BCAS3: variants seen among roughly 807,000 people sequenced by gnomAD.
BCAS3 encodes BCAS3 microtubule associated cell migration factor, also known as BCAS4/BCAS3 fusion.
In BCAS3, 53 loss-of-function variants were observed where a neutral mutation model predicts 116.1. That is an observed-to-expected ratio of 0.46 (90% confidence interval 0.37 to 0.57). BCAS3 has a LOEUF of 0.57. BCAS3 is among the 20% of genes least tolerant of loss of function. BCAS3 has a pLI of 0.00. For missense variants in BCAS3, 917 were observed against 1,165.4 expected (o/e 0.79, Z 3.10); for synonymous variants, 391 against 408.2 (o/e 0.96, Z 0.51).
At chr17:60,867,219 C>A (rs2054681104) in intron 7 of BCAS3, among the ~76,000 whole-genome samples, 1 of 151,808 alleles carries the variant, frequency 6.6e-6, no homozygotes, top group Admixed American at 6.6e-5. Flanking sequence ...AATTTTCCTG[C>A]TTCAGCCTCT....
Position 60,989,996 on chromosome 17 carries a change from A to G in BCAS3, c.1247A>G (p.Asp416Gly), listed in dbSNP as rs2063422958. 4 of 1,614,152 alleles carry G rather than the reference A, an allele frequency of 2.5e-6. No homozygotes were observed. The East Asian group carries it at 8.9e-5, about 36-fold the overall frequency. ...AKVQDICFSH[D>G]CRWVVVSTLR... ...GTACAGGACATCTGCTTCAGCCATG[A>G]CTGTCGCTGGGTTGTGGTCAGTACT... Residue 416 changes from aspartate to glycine, a missense_variant, in exon 15 of 24, where the codon GAC (aspartate) becomes GGC (glycine). Physicochemically the swap from Asp to Gly is moderately conservative, Grantham distance 94. This residue lies in a region of BCAS3 where 807 missense variants were observed against 1,026.0 expected (regional missense o/e 0.79). Transcript: ENST00000407086.
intron 22 of BCAS3, among the ~76,000 whole-genome samples, chr17:61,202,534 A>G (rs2080900560): frequency 1.3e-5 from 2 of 150,976 alleles, no homozygotes; most frequent in South Asian, 4.2e-4. Flanking sequence ...TTAATGGTCG[A>G]GTTTACTTTT....
chr17:60,793,514 T>C (rs2046954863), intron 6 of BCAS3, among the ~76,000 whole-genome samples: 2 of 152,308 alleles, frequency 1.3e-5, no homozygotes, highest in East Asian at 3.9e-4. Context: ...CTGAGCAGTA[T>C]ACACTACACC....
At chr17:60,825,384 C>T (rs944133603) in intron 7 of BCAS3, among the ~76,000 whole-genome samples, 5 of 151,186 alleles carry the variant, frequency 3.3e-5, no homozygotes, top group Admixed American at 6.6e-5. Flanking sequence ...TGTGCTTTCA[C>T]CACATCTCCG....
chr17:61,030,681 T>G (rs1335609948), intron 16 of BCAS3, among the ~76,000 whole-genome samples: 1 of 152,094 alleles, frequency 6.6e-6, no homozygotes, highest in East Asian at 1.9e-4. Flanking sequence ...GTTATTCGGT[T>G]TTTTTGTTTG....
Position 61,282,335 on chromosome 17 carries a change from G to A in BCAS3, c.2426-85992G>A, listed in dbSNP as rs2051310366. On this transcript the variant is annotated intron_variant, in intron 22 of 23. Transcript: ENST00000407086. The surrounding 1 kb of genome is among the most constrained non-coding windows in gnomAD (Gnocchi z 5.9). ...AGAAGGCTTTCCTGAGCCTTGGTTG[G>A]GAGCTGAATGAGAAGGGGCAATTGG... Among the ~76,000 whole-genome samples, 1 of 152,198 alleles carries A rather than the reference G, an allele frequency of 6.6e-6. No individual in the cohort carries two copies. Among genetic ancestry groups the A allele is most frequent in the African/African-American group, 2.4e-5 (1 of 41,442 alleles).
At chr17:60,880,589 T>TATGCCAC (rs1159630328) in intron 9 of BCAS3, among the ~76,000 whole-genome samples, 1 of 152,106 alleles carries the variant, frequency 6.6e-6, no homozygotes, top group Non-Finnish European at 1.5e-5. Flanking sequence ...CGCCTAGCCA[T>TATGCCAC]ATGCCACATT....
At chr17:60,772,677 C>T (rs1224014915) in intron 6 of BCAS3, among the ~76,000 whole-genome samples, 1 of 152,076 alleles carries the variant, frequency 6.6e-6, no homozygotes, top group Non-Finnish European at 1.5e-5. Context: ...GTCAGGAGTT[C>T]GAGACCAGCC....
At chr17:60,939,322 A>G (rs755623284) in intron 13 of BCAS3, among the ~76,000 whole-genome samples, 7 of 152,098 alleles carry the variant, frequency 4.6e-5, no homozygotes, top group Non-Finnish European at 1.0e-4. Context: ...AATCCCAGCT[A>G]CTCAGGAGGC....
intron 3 of BCAS3, among the ~76,000 whole-genome samples, chr17:60,687,429 C>A (rs1293746216): frequency 6.6e-6 from 1 of 152,048 alleles, no homozygotes; most frequent in Non-Finnish European, 1.5e-5. Flanking sequence ...CATGGTGAAA[C>A]CCCATCTCTA....
At chr17:60,922,385 A>C (rs1008231478) in intron 12 of BCAS3, among the ~76,000 whole-genome samples, 18 of 152,208 alleles carry the variant, frequency 1.2e-4, no homozygotes, top group African/African-American at 3.9e-4. Flanking sequence ...TCGGCCTCCC[A>C]AAGTGCTGGG....
chr17:60,941,997 G>A (rs139183854), intron 13 of BCAS3, among the ~76,000 whole-genome samples: 106 of 152,288 alleles, frequency 7.0e-4, no homozygotes, highest in Middle Eastern at 6.8e-3. Flanking sequence ...CAGAAAATTT[G>A]TTACAGAGAG....
chr17:61,255,834 G>C (rs1422129330), intron 22 of BCAS3, among the ~76,000 whole-genome samples: 1 of 152,162 alleles, frequency 6.6e-6, no homozygotes, highest in South Asian at 2.1e-4. Flanking sequence ...AGTTTGTTTA[G>C]ATGTTCAGTG....
chr17:60,816,221 C>G (rs1055707493), intron 7 of BCAS3, among the ~76,000 whole-genome samples: 1 of 151,206 alleles, frequency 6.6e-6, no homozygotes, highest in Non-Finnish European at 1.5e-5. Flanking sequence ...TTAAATTATT[C>G]TTGGGAAAAT....
intron 5 of BCAS3, among the ~76,000 whole-genome samples, chr17:60,736,264 A>T (rs1468508193): frequency 1.3e-5 from 2 of 151,428 alleles, no homozygotes; most frequent in African/African-American, 4.8e-5. Context: ...GGATTTTCAC[A>T]TCTATGTTCA....
chr17:60,955,940 G>T (rs1181294549), intron 14 of BCAS3, among the ~76,000 whole-genome samples: 1 of 152,104 alleles, frequency 6.6e-6, no homozygotes, highest in Non-Finnish European at 1.5e-5. Context: ...ATTTGTTATT[G>T]ATGATGATCA....
At position 61,327,248 on chromosome 17, in the gene BCAS3, G is replaced by A. The variant is rs1157093120; in HGVS notation, c.2426-41079G>A. Reference sequence around the variant, plus strand: ...ACTCAGGAGGTAGAGGTTGCAGTGAGCCAAGATTGCACCATTGCACTTCAG... The same window carrying A: ...ACTCAGGAGGTAGAGGTTGCAGTGAACCAAGATTGCACCATTGCACTTCAG... On this transcript the variant is annotated intron_variant, in intron 22 of 23. Coordinates refer to ENST00000407086, the MANE Select transcript of BCAS3 (RefSeq NM_017679.5). This position sits in a 1 kb window ranked among gnomAD's most constrained non-coding sequence, Gnocchi z 5.9. 1.3e-5 allele frequency among the ~76,000 whole-genome samples: 2 copies of A among 152,092 alleles called. No homozygotes were observed. The highest frequency in any genetic ancestry group is 2.9e-5 in the Non-Finnish European group (2 of 68,040).
intron 5 of BCAS3, among the ~76,000 whole-genome samples, chr17:60,719,011 A>G (rs2038950160): frequency 6.6e-6 from 1 of 152,170 alleles, no homozygotes; most frequent in Non-Finnish European, 1.5e-5. Flanking sequence ...GCAGTGAGCC[A>G]AGATCGCGCC....
chr17:60,845,817 C>G (rs1275357227), intron 7 of BCAS3, among the ~76,000 whole-genome samples: 1 of 149,038 alleles, frequency 6.7e-6, no homozygotes, highest in Non-Finnish European at 1.5e-5. Context: ...CTCTCTTTCA[C>G]AAAGTCTCAC....
Sources: allele counts gnomAD v4.1 joint callset (sites outside exome capture counted in the v4.1 genomes callset), GRCh38; gene constraint gnomAD v4.1.1; regional missense constraint gnomAD v4.1.1; non-coding constraint Gnocchi (gnomAD v3.1); transcripts MANE v1.5; gene names NCBI Gene and HGNC (gene_info 2026-07-23, HGNC 2026-07-21).